The following DDX54 variants were observed in gnomAD, a reference collection of about 807,000 sequenced individuals.
The protein encoded by DDX54 is DEAD-box helicase 54, also known as ATP-dependent RNA helicase DDX54.
A neutral mutation model predicts 105.5 loss-of-function variants in DDX54; 67 were observed. The ratio of observed to expected loss-of-function variants is 0.64; its 90% CI spans 0.52 to 0.78. DDX54 has a LOEUF of 0.78. Among genes scored for constraint, DDX54 ranks in the 30% least tolerant of loss-of-function variants. DDX54 has a pLI of 0.00. For synonymous variants in DDX54, 514 were observed against 509.9 expected, an observed-to-expected ratio of 1.01 and a Z score of -0.11; for missense variants, 1,206 against 1,230.5, an observed-to-expected ratio of 0.98 and a Z score of 0.30.
At chr12:113,182,613 A>T (rs1423013010) in intron 1 of DDX54, among the ~76,000 whole-genome samples, 2 of 151,448 alleles carry the variant, frequency 1.3e-5, no homozygotes, top group Non-Finnish European at 2.9e-5. Flanking sequence ...GCTGGAGTGC[A>T]GTGGCAGGAT....
chr12:113,164,473 G>A (rs1289307390), intron 14 of DDX54, among the ~76,000 whole-genome samples, 188 bp from the exon 15 acceptor site: 1 of 152,228 alleles, frequency 6.6e-6, no homozygotes, highest in Non-Finnish European at 1.5e-5. Context: ...CAGCACTTGA[G>A]GAGGCTGAGG....
At chr12:113,162,891 C>G (rs1952226679) in intron 17 of DDX54, 41 bp downstream of exon 17, 1 of 1,528,488 alleles carries the variant, frequency 6.5e-7, no homozygotes, top group East Asian at 2.3e-5. Flanking sequence ...CACTCGGTCA[C>G]TCACCCCGAG....
Position 113,168,524 on chromosome 12 carries a change from C to T in DDX54, c.1414+1246G>A, listed in dbSNP as rs566035724. Among the ~76,000 whole-genome samples the T allele has an allele frequency of 1.4e-3, 208 of 152,326 alleles. 1 individual carries two copies. Among genetic ancestry groups the T allele is most frequent in the Non-Finnish European group, 2.2e-3 (149 of 68,026 alleles). On this transcript the variant is annotated intron_variant, in intron 12 of 19. Transcript: ENST00000306014. The stretch of plus-strand genomic sequence containing the variant: ...AATGAGACAAGATGTGTCCAGGGCC[C>T]GGGAACCAGCAGGACTGCAGGTGGA...
chr12:113,176,598 G>T (rs1952406890), intron 7 of DDX54, among the ~76,000 whole-genome samples: 1 of 152,120 alleles, frequency 6.6e-6, no homozygotes, highest in African/African-American at 2.4e-5. Context: ...TAAATCCCAT[G>T]TTAGATGTCC....
Position 113,177,112 on chromosome 12 carries a change from G to T in DDX54, c.615-19C>A. 1.2e-6 allele frequency: 2 copies of T among 1,613,564 alleles called. No homozygotes were observed. The highest frequency in any genetic ancestry group is 1.7e-6 in the Non-Finnish European group (2 of 1,179,712). Reference sequence around the variant, plus strand: ...TTCCATCCTAGAGAGGAGAGAAGGGGTTAGCTTGATAGAACAGGTCTCTTT... The same window carrying T: ...TTCCATCCTAGAGAGGAGAGAAGGGTTTAGCTTGATAGAACAGGTCTCTTT... On this transcript the variant is annotated intron_variant, in intron 5 of 19. Transcript: ENST00000306014.
rs750011642 is a variant in DDX54, at chr12:113,172,458, G to T, written c.1174C>A (p.Leu392Ile). 1.2e-6 allele frequency: 2 copies of T among 1,614,288 alleles called. No homozygotes were observed. Among genetic ancestry groups the T allele is most frequent in the African/African-American group, 1.3e-5 (1 of 75,078 alleles). Residue 392 changes from leucine (L) to isoleucine (I), a missense_variant, in exon 11 of 20, where the codon CTC (leucine) becomes ATC (isoleucine). Physicochemically the swap from Leu to Ile is conservative, Grantham distance 5 (BLOSUM62 2). Around this residue, in one of 3 missense-constraint regions of DDX54, gnomAD observed 961 missense variants for 1,019.1 expected, o/e 0.94. Transcript: ENST00000306014. ...AKFTLGKCST[L>I]IVTDLAARGL... ...CGGGCGGCCAGGTCAGTCACAATGA[G>T]AGTGGAGCACTTGCCAAGCGTGAAT...
Position 113,175,114 on chromosome 12 carries a change from C to G in DDX54, c.796G>C (p.Ala266Pro). 1 of 1,613,434 alleles carries G rather than the reference C, an allele frequency of 6.2e-7. No individual in the cohort carries two copies. The highest frequency in any genetic ancestry group is 1.1e-5 in the South Asian group (1 of 91,028). Residue 266 changes from alanine (A) to proline (P), a missense_variant, in exon 8 of 20, where the codon GCC (alanine) becomes CCC (proline). Coordinates refer to ENST00000306014, the MANE Select transcript of DDX54 (RefSeq NM_024072.4). ...GTCTGGTGGCCCCCGGGGAGGCGGG[C>G]GATGATCTCCTGCAGCTGCTCTGCG... is the stretch of plus-strand genomic sequence containing the variant. ...GFAEQLQEII[A>P]RLPGGHQTVL... is the part of the protein sequence containing the mutation.
Position 113,157,968 on chromosome 12 carries a change from G to A in DDX54, c.*909C>T, listed in dbSNP as rs1219222335. 3 of 463,810 alleles carry A rather than the reference G, an allele frequency of 6.5e-6. No homozygotes were observed. The allele number at this position is 463,810 out of a possible 1,614,324, so 28.7% of individuals were successfully genotyped here. On this transcript the variant is annotated 3_prime_UTR_variant, in exon 20 of 20. Transcript: ENST00000306014. ...CAGACCAGGCCCTCCCTGCCAGGGTGGTTGGGGCATGAAAAAAAACTCTTT... is the reference window on the plus strand; with the variant it reads ...CAGACCAGGCCCTCCCTGCCAGGGTAGTTGGGGCATGAAAAAAAACTCTTT...
rs1257233351 is a variant in DDX54 at position 113,163,666 on chromosome 12, C to T, written c.1939-392G>A. Among the ~76,000 whole-genome samples the T allele has an allele frequency of 6.6e-6, 1 of 152,160 alleles. No homozygotes were observed. Among genetic ancestry groups the T allele is most frequent in the Non-Finnish European group, 1.5e-5 (1 of 68,026 alleles). On this transcript the variant is annotated intron_variant, in intron 15 of 19. Coordinates refer to ENST00000306014, the MANE Select transcript of DDX54 (RefSeq NM_024072.4). This position sits in a 1 kb window ranked among gnomAD's most constrained non-coding sequence, Gnocchi z 5.9. ...GGTCTCCAACTGGTCTTCTTGGCTA[C>T]TGAACCCTCTGTCCAAACAAAACAT...
intron 10 of DDX54, 111 bp downstream of exon 10, chr12:113,174,529 A>G: frequency 6.9e-7 from 1 of 1,440,302 alleles, no homozygotes; most frequent in Non-Finnish European, 9.3e-7. Context: ...TCTTGAGCCC[A>G]GGCCCAGGCT....
At position 113,158,008 on chromosome 12, in the gene DDX54, C is replaced by T. The variant is rs528805478; in HGVS notation, c.*869G>A. ...AAAAACTCTTTGTCAGGTCTCAGAA[C>T]AGGGTCCATGCTAGATGAGAGATCA... On this transcript the variant is annotated 3_prime_UTR_variant, in exon 20 of 20. Coordinates refer to ENST00000306014, the MANE Select transcript of DDX54 (RefSeq NM_024072.4). The surrounding 1 kb of genome is among the most constrained non-coding windows in gnomAD (Gnocchi z 4.9). The T allele has an allele frequency of 1.4e-5, 5 of 368,400 alleles. No homozygotes were observed. In the Admixed American group the frequency reaches 1.9e-4, roughly 14 times the overall value. The allele number at this position is 368,400 out of a possible 1,614,324, so 22.8% of individuals were successfully genotyped here.
At chr12:113,171,333 G>C (rs569157843) in intron 11 of DDX54, among the ~76,000 whole-genome samples, 2 of 152,290 alleles carry the variant, frequency 1.3e-5, no homozygotes, top group Admixed American at 1.3e-4. Flanking sequence ...CAAGCATGGT[G>C]GCTCACGCCT....
intron 2 of DDX54, 78 bp from the exon 3 acceptor site, chr12:113,180,083 G>T: frequency 7.5e-7 from 1 of 1,330,896 alleles, no homozygotes; most frequent in Non-Finnish European, 1.1e-6. Flanking sequence ...CAGGACAAAT[G>T]ACAGCTTCAT....
At chr12:113,166,857 T>C (rs1047947328) in intron 12 of DDX54, among the ~76,000 whole-genome samples, 7 of 152,204 alleles carry the variant, frequency 4.6e-5, no homozygotes, top group African/African-American at 1.7e-4. Context: ...AATGAGTCAG[T>C]TGCAGAGACA....
intron 5 of DDX54, among the ~76,000 whole-genome samples, chr12:113,178,744 T>C (rs938866447): frequency 6.6e-6 from 1 of 152,188 alleles, no homozygotes; most frequent in Admixed American, 6.5e-5. Context: ...GGTTCTGCTA[T>C]GTTGGTCAGG....
rs1425336066 is a variant in DDX54 at position 113,159,025 on chromosome 12, C to T, written c.2498G>A (p.Arg833Gln). The T allele has an allele frequency of 3.7e-6, 6 of 1,611,722 alleles. No homozygotes were observed. The highest frequency in any genetic ancestry group is 4.2e-6 in the Non-Finnish European group (5 of 1,179,248). The change falls in exon 20 of 20, where the codon CGG becomes CAG. Residue 833 changes from arginine to glutamine, a missense_variant. This residue lies in a region of DDX54 where 961 missense variants were observed against 1,019.1 expected (regional missense o/e 0.94). Transcript: ENST00000306014. ...GAAGTGCAGCTTCTGGGCCCGGCGCCGCTGCTTCAGGATCTGCTGCTTGGT... is the reference window on the plus strand; with the variant it reads ...GAAGTGCAGCTTCTGGGCCCGGCGCTGCTGCTTCAGGATCTGCTGCTTGGT... ...LKTKQQILKQRRRAQKLHFLQ... is the reference protein window; with the variant it reads ...LKTKQQILKQQRRAQKLHFLQ...
intron 17 of DDX54, 111 bp from the exon 18 acceptor site, chr12:113,162,108 T>A: frequency 9.8e-7 from 1 of 1,022,040 alleles, no homozygotes; most frequent in Non-Finnish European, 1.5e-6. Context: ...GTTGGAGCAT[T>A]AAAGGAAAGC....
At chr12:113,175,836 C>T (rs1952396139) in intron 7 of DDX54, among the ~76,000 whole-genome samples, 1 of 152,068 alleles carries the variant, frequency 6.6e-6, no homozygotes, top group Non-Finnish European at 1.5e-5. Context: ...GCCTATATTC[C>T]CAGCTACTCA....
At chr12:113,170,624 G>C (rs1445823322) in intron 11 of DDX54, among the ~76,000 whole-genome samples, 1 of 152,134 alleles carries the variant, frequency 6.6e-6, no homozygotes, top group Non-Finnish European at 1.5e-5. Flanking sequence ...AAGCAACAGA[G>C]TGAGATCCCG....
Sources: gnomAD v4.1 joint callset for allele counts (sites outside exome capture counted in the v4.1 genomes callset) on GRCh38, gnomAD v4.1.1 for gene constraint, gnomAD v4.1.1 regional missense constraint, Gnocchi (gnomAD v3.1) non-coding constraint, MANE v1.5 for transcripts, NCBI Gene and HGNC (gene_info 2026-07-23, HGNC 2026-07-21) for gene names.